The following ALDH1L1 variants were observed in gnomAD, a reference collection of about 807,000 sequenced individuals.
ALDH1L1 encodes the protein aldehyde dehydrogenase 1 family member L1, also known as cytosolic 10-formyltetrahydrofolate dehydrogenase.
In ALDH1L1, 68 loss-of-function variants were observed where a neutral mutation model predicts 101.1. That is an observed-to-expected ratio of 0.67 (90% confidence interval 0.55 to 0.82). The LOEUF (loss-of-function observed/expected upper bound fraction) is 0.82. Ranked by LOEUF, ALDH1L1 falls within the 40% of genes least tolerant of loss-of-function variation. The pLI is 0.00. For synonymous variants in ALDH1L1, 486 were observed against 470.8 expected (o/e 1.03, Z -0.42); for missense variants, 1,087 against 1,172.7 (o/e 0.93, Z 1.07).
At chr3:126,150,558 T>G (rs758146771) in intron 7 of ALDH1L1, 27 bp from the exon 8 acceptor site, 30 of 1,544,228 alleles carry the variant, frequency 1.9e-5, no homozygotes, top group East Asian at 1.5e-4. Flanking sequence ...TTCTTTTCTT[T>G]TCTTTTCTTT....
At chr3:126,120,301 A>T (rs1051400831) in intron 16 of ALDH1L1, among the ~76,000 whole-genome samples, 7 of 152,216 alleles carry the variant, frequency 4.6e-5, no homozygotes, top group Non-Finnish European at 4.4e-5. Context: ...TGCTAACAAG[A>T]AATGAGCTAT....
At chr3:126,114,791 A>AC in intron 17 of ALDH1L1, 135 bp from the exon 18 acceptor site, 8 of 600,066 alleles carry the variant, frequency 1.3e-5, no homozygotes, top group South Asian at 1.9e-5. Flanking sequence ...GTGCCTCCCC[A>AC]CTCCCCCCCA....
upstream of ALDH1L1, among the ~76,000 whole-genome samples, chr3:126,184,398 A>G (rs998505923): frequency 4.6e-5 from 7 of 152,152 alleles, no homozygotes; most frequent in East Asian, 1.2e-3. Flanking sequence ...TAATGCAACT[A>G]TTTATATGTG....
intron 1 of ALDH1L1, among the ~76,000 whole-genome samples, chr3:126,195,712 T>C (rs902756913): frequency 7.2e-5 from 11 of 152,220 alleles, no homozygotes; most frequent in African/African-American, 1.7e-4. Context: ...GGAACCAACC[T>C]AAATGTCCAT....
chr3:126,109,252 C>T (rs1303711089), intron 20 of ALDH1L1, among the ~76,000 whole-genome samples: 1 of 152,208 alleles, frequency 6.6e-6, no homozygotes, highest in South Asian at 2.1e-4. Flanking sequence ...TGTCCCCCAG[C>T]AGCAGCGTCA....
intron 2 of ALDH1L1, 89 bp downstream of exon 2, chr3:126,160,764 C>A: frequency 6.4e-7 from 1 of 1,556,280 alleles, no homozygotes; most frequent in Non-Finnish European, 8.7e-7. Context: ...CTGCAGACTT[C>A]TGCTCCCAGA....
intron 1 of ALDH1L1, among the ~76,000 whole-genome samples, chr3:126,173,665 A>G (rs970131170): frequency 1.3e-5 from 2 of 152,258 alleles, no homozygotes; most frequent in Non-Finnish European, 2.9e-5. Context: ...GACTATCTAG[A>G]GTGAATAAAG....
upstream of ALDH1L1, among the ~76,000 whole-genome samples, chr3:126,183,157 T>A (rs1044291725): frequency 5.9e-5 from 9 of 152,104 alleles, no homozygotes; most frequent in Non-Finnish European, 5.9e-5. Flanking sequence ...CTCAGAATAT[T>A]TTGTTAAATA....
chr3:126,112,736 C>G, intron 19 of ALDH1L1, 46 bp downstream of exon 19: 1 of 1,574,546 alleles, frequency 6.4e-7, no homozygotes, highest in Non-Finnish European at 8.7e-7. Flanking sequence ...CCAGGCGCTG[C>G]TGTCCCAGTG....
At chr3:126,157,250 A>G in intron 4 of ALDH1L1, 93 bp downstream of exon 4, 2 of 1,441,932 alleles carry the variant, frequency 1.4e-6, no homozygotes, top group South Asian at 2.9e-5. Flanking sequence ...TGGGGAACAG[A>G]TTCCTGGCCT....
intron 19 of ALDH1L1, among the ~76,000 whole-genome samples, chr3:126,111,273 T>C (rs1363615012): frequency 1.3e-5 from 2 of 152,212 alleles, no homozygotes; most frequent in East Asian, 3.9e-4. Flanking sequence ...ATGGAAGCAA[T>C]GTTTCGTGCA....
intron 1 of ALDH1L1, among the ~76,000 whole-genome samples, chr3:126,195,662 C>G (rs1052051819): frequency 7.2e-4 from 110 of 152,314 alleles, no homozygotes; most frequent in African/African-American, 2.2e-3. Context: ...CACATGCACA[C>G]ATATATTTAT....
intron 16 of ALDH1L1, among the ~76,000 whole-genome samples, chr3:126,118,456 G>A (rs2080017889): frequency 6.6e-6 from 1 of 152,180 alleles, no homozygotes; most frequent in Admixed American, 6.5e-5. Context: ...GACCATGCGA[G>A]GACATAGAGG....
At chr3:126,158,038 AC>A (rs1362430931) in intron 3 of ALDH1L1, among the ~76,000 whole-genome samples, 1 of 151,582 alleles carries the variant, frequency 6.6e-6, no homozygotes, top group Non-Finnish European at 1.5e-5. Context: ...TTAGAGTAGG[AC>A]CCCCAGCCCA....
chr3:126,165,769 G>A (rs1490927307), intron 1 of ALDH1L1, among the ~76,000 whole-genome samples: 1 of 152,124 alleles, frequency 6.6e-6, no homozygotes, highest in Admixed American at 6.5e-5. Context: ...TGGTTGTAAT[G>A]TCATCTTTGC....
chr3:126,117,957 G>A, intron 17 of ALDH1L1, 48 bp downstream of exon 17: 1 of 1,540,414 alleles, frequency 6.5e-7, no homozygotes, highest in Non-Finnish European at 8.9e-7. Flanking sequence ...CCATGTCCCA[G>A]GCGCAGCCCA....
At chr3:126,187,142 C>T (rs776034379) in intron 1 of ALDH1L1, among the ~76,000 whole-genome samples, 7 of 152,004 alleles carry the variant, frequency 4.6e-5, no homozygotes, top group Admixed American at 1.3e-4. Flanking sequence ...CGGGGAAAGG[C>T]TGTAATGAGA....
chr3:126,118,189 G>T, intron 16 of ALDH1L1, 91 bp from the exon 17 acceptor site: 3 of 1,027,288 alleles, frequency 2.9e-6, no homozygotes, highest in Admixed American at 3.9e-5. Flanking sequence ...GTTCACTGGG[G>T]GTCTGAGGCC....
chr3:126,158,356 T>G, intron 3 of ALDH1L1, 49 bp downstream of exon 3: 3 of 1,462,222 alleles, frequency 2.1e-6, no homozygotes, highest in Non-Finnish European at 1.9e-6. Flanking sequence ...GTCAGGCTGA[T>G]GGAGGGACAT....
Sources: gnomAD v4.1 joint callset for allele counts (sites outside exome capture counted in the v4.1 genomes callset) on GRCh38, gnomAD v4.1.1 for gene constraint, MANE v1.5 for transcripts, NCBI Gene and HGNC (gene_info 2026-07-23, HGNC 2026-07-21) for gene names.